DPPA4: variants seen among roughly 807,000 people sequenced by gnomAD.
DPPA4 encodes the protein developmental pluripotency associated 4.
Under a neutral mutation model 33.7 loss-of-function variants are expected in DPPA4, and 22 were observed. The ratio of observed to expected loss-of-function variants is 0.65; its 90% confidence interval spans 0.47 to 0.93. The LOEUF (loss-of-function observed/expected upper bound fraction) is 0.93, where lower values mean the gene tolerates loss of function less well. Among genes scored for constraint, DPPA4 ranks in the 40% least tolerant of loss-of-function variants. The pLI is 0.00. For synonymous variants in DPPA4, 156 were observed against 132.3 expected (o/e 1.18, Z -1.23); for missense variants, 340 against 358.6 (o/e 0.95, Z 0.42).
chr3:109,330,770 A>G lies in DPPA4; in HGVS notation c.433T>C (p.Leu145=), dbSNP rs1299078387. The G allele has an allele frequency of 4.3e-6, 7 of 1,613,436 alleles. No homozygotes were observed. Among genetic ancestry groups the G allele is most frequent in the South Asian group, 3.3e-5 (3 of 90,906 alleles). Reference sequence around the variant, plus strand: ...TTTTCCACCTTTAATTTTTTTTGCAATGATTTCCGGATTTTGGCCTCTTTT... The same window carrying G: ...TTTTCCACCTTTAATTTTTTTTGCAGTGATTTCCGGATTTTGGCCTCTTTT... ...TAKEAKIRKS[L]QKKLKVEKGE... is the part of the protein sequence containing the mutation. Residue 145 remains leucine, a synonymous_variant, in exon 5 of 7, where the codon TTG becomes CTG. Transcript: ENST00000335658.
At position 109,328,874 on chromosome 3, in the gene DPPA4, A is replaced by G. The variant is rs1207502354; in HGVS notation, c.878+16T>C. The G allele has an allele frequency of 1.3e-6, 2 of 1,598,614 alleles. No individual in the cohort carries two copies. The highest frequency in any genetic ancestry group is 1.7e-6 in the Non-Finnish European group (2 of 1,169,692). ...GGCACCCACTTTTAGTTTGTAGAAA[A>G]GCATCAGGTAATTACCTGTGAACAC... On this transcript the variant is annotated intron_variant, in intron 6 of 6. Coordinates refer to ENST00000335658, the MANE Select transcript of DPPA4 (RefSeq NM_018189.4).
intron 2 of DPPA4, 74 bp from the exon 3 acceptor site, chr3:109,332,105 T>C: frequency 2.3e-6 from 3 of 1,289,956 alleles, no homozygotes; most frequent in Non-Finnish European, 3.2e-6. Context: ...GTAAAATCAC[T>C]TTTTTTTTCT....
chr3:109,328,839 T>A, intron 6 of DPPA4, 51 bp downstream of exon 6: 1 of 1,524,444 alleles, frequency 6.6e-7, no homozygotes, highest in Non-Finnish European at 9.0e-7. Flanking sequence ...CTTTCTGCAA[T>A]TGAAAATCCG....
At chr3:109,336,618 C>T (rs747873791) in intron 1 of DPPA4, among the ~76,000 whole-genome samples, 2 of 152,174 alleles carry the variant, frequency 1.3e-5, no homozygotes, top group Non-Finnish European at 2.9e-5. Context: ...ATTACCTCTT[C>T]CTAAAATCTT....
chr3:109,337,912 G>A (rs1708246055), upstream of DPPA4, among the ~76,000 whole-genome samples: 1 of 152,170 alleles, frequency 6.6e-6, no homozygotes, highest in East Asian at 1.9e-4. Flanking sequence ...GGCAACAGTA[G>A]ACTTCAGAGA....
intron 1 of DPPA4, 61 bp downstream of exon 1, chr3:109,337,403 G>A: frequency 6.7e-7 from 1 of 1,488,914 alleles, no homozygotes; most frequent in Non-Finnish European, 9.4e-7. Flanking sequence ...AATCAGGAGT[G>A]CCCAGGGAAG....
Position 109,333,898 on chromosome 3 carries a change from T to C in DPPA4, c.150A>G (p.Lys50=). The stretch of plus-strand genomic sequence containing the variant: ...TACTGCCTTTGATAGACATTTTTTC[T>C]TTGGTTCTCTTTGCTGATGTTCCTG... ...ALPGTSAKRT[K]EKMSIKGSKV... Residue 50 remains lysine, a synonymous_variant, in exon 2 of 7, where the codon AAA becomes AAG. Transcript: ENST00000335658. The C allele has an allele frequency of 1.9e-6, 3 of 1,614,164 alleles. No individual in the cohort carries two copies. Among genetic ancestry groups the C allele is most frequent in the Non-Finnish European group, 2.5e-6 (3 of 1,180,004 alleles).
chr3:109,333,967 T>C lies in DPPA4; in HGVS notation c.81A>G (p.Glu27=), dbSNP rs1365491597. The C allele has an allele frequency of 2.5e-6, 4 of 1,614,048 alleles. No individual in the cohort carries two copies. In the African/African-American group the frequency reaches 4.0e-5, roughly 16 times the overall value. Reference sequence around the variant, plus strand: ...GTTGATTAGAAGCCTGCTGATCCTCTTCCCTCGACTTCTCTGTGGAGGTCC... The same window carrying C: ...GTTGATTAGAAGCCTGCTGATCCTCCTCCCTCGACTTCTCTGTGGAGGTCC... The part of the protein sequence containing the change: ...KEWTSTEKSR[E]EDQQASNQPN... The change falls in exon 2 of 7, where the codon GAA becomes GAG. Residue 27 remains glutamate (E), a synonymous_variant. Transcript: ENST00000335658.
chr3:109,331,444 T>C (rs549419197), intron 4 of DPPA4, among the ~76,000 whole-genome samples: 22 of 147,494 alleles, frequency 1.5e-4, no homozygotes, highest in Non-Finnish European at 2.5e-4. Context: ...CTCTGGAGGC[T>C]GAGGCAGGAG....
At chr3:109,336,517 G>C (rs1192502192) in intron 1 of DPPA4, 1 of 152,194 alleles carries the variant, frequency 6.6e-6, no homozygotes, top group Non-Finnish European at 1.5e-5. Context: ...GCTGGGAAAA[G>C]GGGACGAATT....
intron 5 of DPPA4, chr3:109,329,879 T>C (rs1708022301): frequency 6.6e-6 from 1 of 152,420 alleles, no homozygotes; most frequent in South Asian, 2.1e-4. Flanking sequence ...TTAATTTAAA[T>C]TGCTTAAAGG....
At chr3:109,338,432 T>C (rs1708254227), upstream of DPPA4, among the ~76,000 whole-genome samples, 1 of 152,234 alleles carries the variant, frequency 6.6e-6, no homozygotes. Context: ...AGATCAGTGC[T>C]CCCTGTCAGA....
Position 109,328,931 on chromosome 3 carries a change from C to T in DPPA4, c.837G>A (p.Pro279=), listed in dbSNP as rs370990673. 1.1e-5 allele frequency: 17 copies of T among 1,613,976 alleles called. No individual in the cohort carries two copies. Among genetic ancestry groups the T allele is most frequent in the African/African-American group, 8.0e-5 (6 of 75,030 alleles). Reference sequence around the variant, plus strand: ...GGCACAACATATTGTCTTCAAGGTGCGGGGGTGGAAAATTGGAGGCAGGAA... The same window carrying T: ...GGCACAACATATTGTCTTCAAGGTGTGGGGGTGGAAAATTGGAGGCAGGAA... The part of the protein sequence containing the change: ...FLLPASNFPP[P]HLEDNMLCPK... The change falls in exon 6 of 7, where the codon CCG becomes CCA. Residue 279 remains proline (P), a synonymous_variant. Coordinates refer to ENST00000335658, the MANE Select transcript of DPPA4 (RefSeq NM_018189.4).
Position 109,332,390 on chromosome 3 carries a change from C to T in DPPA4, c.179-359G>A, listed in dbSNP as rs541884459. Among the ~76,000 whole-genome samples the T allele has an allele frequency of 1.1e-4, 17 of 152,136 alleles. No individual in the cohort carries two copies. The East Asian group carries it at 2.9e-3, about 26-fold the overall frequency. On this transcript the variant is annotated intron_variant, in intron 2 of 6. Transcript: ENST00000335658. The stretch of plus-strand genomic sequence containing the variant: ...TTCTGAGATTACAGGCCTAAGCCAC[C>T]GCGCCCAGCCTAAAATCACTTTTAG...
intron 6 of DPPA4, among the ~76,000 whole-genome samples, chr3:109,328,513 C>A (rs1707985183): frequency 6.6e-6 from 1 of 152,176 alleles, no homozygotes. Context: ...ACTTAAGGAA[C>A]CTCTTCTTTG....
In DPPA4 at chr3:109,327,136, C is replaced by A. The variant is rs1042145533; in HGVS notation, c.*852G>T. 6.7e-6 allele frequency: 1 copy of A among 149,996 alleles called. No individual in the cohort carries two copies. Among genetic ancestry groups the A allele is most frequent in the Non-Finnish European group, 1.5e-5 (1 of 68,012 alleles). 9.3% of individuals were successfully genotyped at this position (149,996 alleles called of 1,614,324 possible). On this transcript the variant is annotated 3_prime_UTR_variant, in exon 7 of 7. Transcript: ENST00000335658. ...GATCCTGGAGTCAAACCATAGAAATCTCAGGTTATTAAGAGAACTTTGAAA... is the reference window on the plus strand; with the variant it reads ...GATCCTGGAGTCAAACCATAGAAATATCAGGTTATTAAGAGAACTTTGAAA...
At chr3:109,337,898 T>C (rs1287056657), upstream of DPPA4, among the ~76,000 whole-genome samples, 3 of 152,122 alleles carry the variant, frequency 2.0e-5, no homozygotes, top group Non-Finnish European at 2.9e-5. Flanking sequence ...ATAATGGAAC[T>C]TGTGGCAACA....
chr3:109,337,440 C>T, intron 1 of DPPA4, 24 bp downstream of exon 1: 4 of 1,610,966 alleles, frequency 2.5e-6, no homozygotes, highest in Non-Finnish European at 3.4e-6. Flanking sequence ...AGACAGAAAA[C>T]AAATCCACTA....
chr3:109,330,884 T>C, intron 4 of DPPA4, 72 bp from the exon 5 acceptor site: 1 of 592,412 alleles, frequency 1.7e-6, no homozygotes, highest in Non-Finnish European at 2.3e-6. Context: ...TAAGGAGCTC[T>C]TGATCAAATA....
Sources: gnomAD v4.1 joint callset for allele counts (sites outside exome capture counted in the v4.1 genomes callset) on GRCh38, gnomAD v4.1.1 for gene constraint, MANE v1.5 for transcripts, NCBI Gene and HGNC (gene_info 2026-07-23, HGNC 2026-07-21) for gene names.